Variants in NYAP2 observed in about 807,000 individuals in gnomAD.
NYAP2 encodes neuronal tyrosine-phosphorylated phosphoinositide-3-kinase adaptor 2.
NYAP2 carries 23 observed loss-of-function variants against 50.4 expected under a neutral mutation model. The observed-to-expected ratio is 0.46, with a 90% CI of 0.33 to 0.65. The LOEUF is 0.65. Among genes scored for constraint, NYAP2 ranks in the 30% least tolerant of loss-of-function variants. The pLI is 0.02. For synonymous variants in NYAP2, 394 were observed against 365.2 expected, an observed-to-expected ratio of 1.08 and a Z score of -0.90; for missense variants, 885 against 861.0, an observed-to-expected ratio of 1.03 and a Z score of -0.35.
At chr2:225,466,542 G>A (rs1476980241) in intron 3 of NYAP2, among the ~76,000 whole-genome samples, 1 of 152,230 alleles carries the variant, frequency 6.6e-6, no homozygotes, top group Non-Finnish European at 1.5e-5. Flanking sequence ...GTTATGCAAA[G>A]TTAAGAGTGG....
intron 5 of NYAP2, among the ~76,000 whole-genome samples, chr2:225,601,129 T>C (rs1046903733): frequency 1.3e-5 from 2 of 151,464 alleles, no homozygotes; most frequent in Admixed American, 1.3e-4. Flanking sequence ...TTAAGTTTTT[T>C]TTTTTTTTTT....
chr2:225,486,331 T>C (rs1690298163), intron 3 of NYAP2, among the ~76,000 whole-genome samples: 2 of 152,184 alleles, frequency 1.3e-5, no homozygotes, highest in South Asian at 4.1e-4. Flanking sequence ...TCTGAAAGAA[T>C]AGCTAAGGGT....
chr2:225,573,205 T>C (rs1033198435), intron 4 of NYAP2, among the ~76,000 whole-genome samples: 2 of 151,808 alleles, frequency 1.3e-5, no homozygotes, highest in African/African-American at 4.8e-5. Flanking sequence ...TGTAATAAAC[T>C]AAACCAAAAT....
chr2:225,560,197 A>T (rs1691847989), intron 4 of NYAP2, among the ~76,000 whole-genome samples: 1 of 152,140 alleles, frequency 6.6e-6, no homozygotes, highest in Non-Finnish European at 1.5e-5. Context: ...TTACAAAAAT[A>T]TAATTTTGTA....
the NYAP2 span, among the ~76,000 whole-genome samples, chr2:225,693,390 C>T: frequency 2.0e-5 from 3 of 151,952 alleles, no homozygotes; most frequent in Non-Finnish European, 2.9e-5. Context: ...GTAAAAGTGT[C>T]TCTGGTCTCA....
chr2:225,524,957 C>T (rs113123380), intron 4 of NYAP2, among the ~76,000 whole-genome samples: 4,155 of 152,162 alleles, frequency 0.027, 194 homozygotes, highest in African/African-American at 0.095. Flanking sequence ...AGAAGACATA[C>T]AAGCAGCCAA....
At chr2:225,490,228 G>A (rs950782577) in intron 3 of NYAP2, among the ~76,000 whole-genome samples, 2 of 152,042 alleles carry the variant, frequency 1.3e-5, no homozygotes, top group African/African-American at 2.4e-5. Flanking sequence ...GCAGTTTCTG[G>A]CTCTGAGACT....
At chr2:225,632,234 T>G (rs1319059645) in intron 6 of NYAP2, among the ~76,000 whole-genome samples, 2 of 152,128 alleles carry the variant, frequency 1.3e-5, no homozygotes, top group Non-Finnish European at 2.9e-5. Flanking sequence ...AGACAATGAG[T>G]CAGTATTAAC....
At chr2:225,404,617 A>G (rs1391129765) in intron 2 of NYAP2, among the ~76,000 whole-genome samples, 1 of 152,010 alleles carries the variant, frequency 6.6e-6, no homozygotes, top group Non-Finnish European at 1.5e-5. Context: ...GTGGAATGAA[A>G]TTTCAAATTT....
intron 6 of NYAP2, among the ~76,000 whole-genome samples, chr2:225,641,552 C>T (rs1173588643): frequency 1.3e-5 from 2 of 151,690 alleles, no homozygotes; most frequent in African/African-American, 2.4e-5. Context: ...CGGTGGCTCA[C>T]GTCCGTTATC....
chr2:225,597,512 A>AATTATATATATAT (rs1553554328), intron 5 of NYAP2, among the ~76,000 whole-genome samples: 1 of 46,218 alleles, frequency 2.2e-5, no homozygotes, highest in African/African-American at 5.9e-5. Context: ...TCCAAGGAGA[A>AATTATATATATAT]ATATATATAT....
chr2:225,510,969 T>C (rs1690803134), intron 3 of NYAP2, among the ~76,000 whole-genome samples: 1 of 152,208 alleles, frequency 6.6e-6, no homozygotes, highest in African/African-American at 2.4e-5. Context: ...GAATTATTTT[T>C]AGTAACTCAT....
At chr2:225,446,246 C>CTCTCTCTATA (rs1239402824) in intron 3 of NYAP2, among the ~76,000 whole-genome samples, 7 of 82,268 alleles carry the variant, frequency 8.5e-5, no homozygotes, top group East Asian at 3.7e-4. Context: ...CTCTCTCTCT[C>CTCTCTCTATA]TATATATATA....
rs140441650 is a variant in NYAP2, at chr2:225,539,099, A to G, written c.523+25427A>G. On this transcript the variant is annotated intron_variant, in intron 4 of 6. Transcript: ENST00000636099. ...TTATGAGTGAGAACATGTGGTGTTT[A>G]GTTTTCTGTTCCTGTGTTAGTTTGC... 2.9e-3 allele frequency among the ~76,000 whole-genome samples: 448 copies of G among 151,914 alleles called. 3 individuals carry two copies. The highest frequency in any genetic ancestry group is 0.01 in the Middle Eastern group (3 of 290).
At chr2:225,700,061 T>C in the NYAP2 span, 1 of 151,878 alleles carries the variant, frequency 6.6e-6, no homozygotes, top group Non-Finnish European at 1.5e-5. Context: ...ACAGCAATAG[T>C]TCAGTGCTGC....
chr2:225,420,223 A>T (rs940076808), intron 3 of NYAP2, among the ~76,000 whole-genome samples: 5 of 152,090 alleles, frequency 3.3e-5, no homozygotes, highest in African/African-American at 1.2e-4. Context: ...TTGCTAATGA[A>T]TTTCCAGATA....
chr2:225,679,287 C>T, the NYAP2 span, among the ~76,000 whole-genome samples: 1 of 151,932 alleles, frequency 6.6e-6, no homozygotes, highest in African/African-American at 2.4e-5. Context: ...TAAAACTAAC[C>T]ACTGAGATGT....
At chr2:225,516,184 C>T (rs1690930970) in intron 4 of NYAP2, among the ~76,000 whole-genome samples, 1 of 152,138 alleles carries the variant, frequency 6.6e-6, no homozygotes, top group Admixed American at 6.6e-5. Context: ...TGGGATGTTT[C>T]ATCGCTAGTT....
At chr2:225,402,364 C>A (rs1475747806) in intron 2 of NYAP2, among the ~76,000 whole-genome samples, 1 of 151,942 alleles carries the variant, frequency 6.6e-6, no homozygotes, top group Non-Finnish European at 1.5e-5. Context: ...TAGCTCCAGT[C>A]AGCAATTTAT....
Sources: gnomAD v4.1 joint callset for allele counts (sites outside exome capture counted in the v4.1 genomes callset) on GRCh38, gnomAD v4.1.1 for gene constraint, MANE v1.5 for transcripts, NCBI Gene and HGNC (gene_info 2026-07-23, HGNC 2026-07-21) for gene names.